STPG2: variants seen among roughly 807,000 people sequenced by gnomAD.
STPG2 encodes the protein sperm tail PG-rich repeat containing 2.
In STPG2, 56 loss-of-function variants were observed where a neutral mutation model predicts 54.2. That is an observed-to-expected ratio of 1.03 (90% CI 0.83 to 1.29). STPG2 has a LOEUF of 1.29. Among genes scored for constraint, STPG2 ranks in the 50% most tolerant of loss-of-function variants. STPG2 has a pLI of 0.00. For synonymous variants in STPG2, 200 were observed against 181.8 expected (o/e 1.10, Z -0.81); for missense variants, 596 against 544.9 (o/e 1.09, Z -0.93).
intron 9 of STPG2, among the ~76,000 whole-genome samples, chr4:97,765,681 G>C (rs1271053327): frequency 6.6e-6 from 1 of 152,078 alleles, no homozygotes; most frequent in Non-Finnish European, 1.5e-5. Context: ...AGATTATGGG[G>C]TTTTTACTAC....
At chr4:97,861,772 G>A (rs531545102) in intron 8 of STPG2, among the ~76,000 whole-genome samples, 90 of 152,178 alleles carry the variant, frequency 5.9e-4, no homozygotes, top group African/African-American at 1.9e-3. Context: ...AATATTCAAC[G>A]TTCTTAAAGA....
At chr4:97,649,155 C>T (rs1415388128) in intron 10 of STPG2, among the ~76,000 whole-genome samples, 1 of 152,054 alleles carries the variant, frequency 6.6e-6, no homozygotes, top group East Asian at 1.9e-4. Flanking sequence ...CCAGGCATCC[C>T]GACCATTCTT....
intron 5 of STPG2, among the ~76,000 whole-genome samples, chr4:98,081,964 A>C (rs1365477454): frequency 6.6e-6 from 1 of 152,222 alleles, no homozygotes; most frequent in Non-Finnish European, 1.5e-5. Context: ...AGTAAATACT[A>C]AAAGCCCTTA....
At chr4:97,818,489 C>T (rs13103769) in intron 9 of STPG2, among the ~76,000 whole-genome samples, 5,087 of 151,790 alleles carry the variant, frequency 0.034, 168 homozygotes, top group Middle Eastern at 0.099. Context: ...TTACTGTACT[C>T]GCCTATTTTC....
intron 10 of STPG2, among the ~76,000 whole-genome samples, chr4:97,683,974 T>G (rs1266120927): frequency 1.3e-5 from 2 of 151,808 alleles, no homozygotes; most frequent in East Asian, 3.9e-4. Flanking sequence ...AATAAACAAT[T>G]GAATTTATAA....
intron 10 of STPG2, among the ~76,000 whole-genome samples, chr4:97,702,133 A>G (rs552219241): frequency 6.6e-6 from 1 of 152,266 alleles, no homozygotes; most frequent in South Asian, 2.1e-4. Context: ...CCCTTCCTCT[A>G]CATCAAACCA....
At chr4:97,691,017 G>C (rs1426399501) in intron 10 of STPG2, among the ~76,000 whole-genome samples, 1 of 152,174 alleles carries the variant, frequency 6.6e-6, no homozygotes, top group African/African-American at 2.4e-5. Context: ...AACGCAATTA[G>C]TGTGACTTTT....
chr4:97,867,785 T>C (rs1363361237), intron 8 of STPG2, among the ~76,000 whole-genome samples: 2 of 151,988 alleles, frequency 1.3e-5, no homozygotes, highest in Admixed American at 6.6e-5. Flanking sequence ...TGCCTTATGA[T>C]AGCAAAATGG....
intron 9 of STPG2, among the ~76,000 whole-genome samples, chr4:97,817,035 T>G (rs2149101524): frequency 6.7e-6 from 1 of 148,728 alleles, no homozygotes; most frequent in African/African-American, 2.4e-5. Context: ...TCTGGAGAAT[T>G]CTGACAAATA....
intron 4 of STPG2, among the ~76,000 whole-genome samples, chr4:97,492,697 T>C (rs1262008031): frequency 1.3e-5 from 2 of 151,132 alleles, no homozygotes; most frequent in Non-Finnish European, 3.0e-5. Flanking sequence ...GCAGATTTTA[T>C]ATTTTATTAT....
chr4:97,946,748 CTA>C (rs1733240390), intron 7 of STPG2, among the ~76,000 whole-genome samples: 1 of 152,078 alleles, frequency 6.6e-6, no homozygotes, highest in African/African-American at 2.4e-5. Context: ...ATCCATTGAT[CTA>C]TATGTCTACT....
chr4:97,604,181 T>G (rs545176940), intron 10 of STPG2, among the ~76,000 whole-genome samples: 1 of 151,764 alleles, frequency 6.6e-6, no homozygotes, highest in African/African-American at 2.4e-5. Context: ...AGTAATCTAG[T>G]AATCCATATT....
Position 98,032,014 on chromosome 4 carries a change from G to A in STPG2, c.613-50696C>T, listed in dbSNP as rs560054208. Among the ~76,000 whole-genome samples the A allele has an allele frequency of 8.0e-4, 121 of 152,142 alleles. 1 individual carries two copies. Among genetic ancestry groups the A allele is most frequent in the African/African-American group, 2.9e-3 (119 of 41,540 alleles). ...GAAATGCAAATCAAAACCACAATGT[G>A]GTACCACTTTACTCCTGCAATAATG... On this transcript the variant is annotated intron_variant, in intron 5 of 10. Coordinates refer to ENST00000295268, the MANE Select transcript of STPG2 (RefSeq NM_174952.3).
chr4:98,075,802 T>C (rs1435985477), intron 5 of STPG2, among the ~76,000 whole-genome samples: 1 of 152,214 alleles, frequency 6.6e-6, no homozygotes, highest in Non-Finnish European at 1.5e-5. Context: ...AATAGGAATA[T>C]ACTCTGGAGA....
intron 8 of STPG2, among the ~76,000 whole-genome samples, chr4:97,842,085 T>G (rs1030736460): frequency 1.3e-5 from 2 of 151,768 alleles, no homozygotes; most frequent in African/African-American, 4.8e-5. Context: ...GAAAACACAT[T>G]TTTTCTTGTT....
intron 8 of STPG2, among the ~76,000 whole-genome samples, chr4:97,910,310 G>A (rs376770911): frequency 6.6e-6 from 1 of 152,148 alleles, no homozygotes; most frequent in South Asian, 2.1e-4. Context: ...GTTGAGAAGT[G>A]GTAGATTATG....
At chr4:97,773,412 T>G (rs1373605719) in intron 9 of STPG2, among the ~76,000 whole-genome samples, 1 of 152,134 alleles carries the variant, frequency 6.6e-6, no homozygotes, top group Non-Finnish European at 1.5e-5. Context: ...CTCAAACTCC[T>G]AAGCTCAAGC....
At chr4:97,703,743 C>A (rs1356494276) in intron 10 of STPG2, among the ~76,000 whole-genome samples, 1 of 98,188 alleles carries the variant, frequency 1.0e-5, no homozygotes. Context: ...AATATATTAT[C>A]GTATATATAT....
At chr4:97,946,552 C>T (rs561883615) in intron 7 of STPG2, among the ~76,000 whole-genome samples, 2 of 152,220 alleles carry the variant, frequency 1.3e-5, no homozygotes, top group Admixed American at 1.3e-4. Flanking sequence ...TTTAATCCAT[C>T]TTGAGTTGCT....
Sources: allele counts gnomAD v4.1 joint callset (sites outside exome capture counted in the v4.1 genomes callset), GRCh38; gene constraint gnomAD v4.1.1; transcripts MANE v1.5; gene names NCBI Gene and HGNC (gene_info 2026-07-23, HGNC 2026-07-21).